NRXN1: variants seen among roughly 807,000 people sequenced by gnomAD.
NRXN1 encodes neurexin 1.
NRXN1 carries 39 observed loss-of-function variants against 150.9 expected under a neutral mutation model. The observed-to-expected ratio is 0.26, with a 90% CI of 0.20 to 0.34. The LOEUF (loss-of-function observed/expected upper bound fraction) is 0.34, where lower values mean the gene tolerates loss of function less well. Ranked by LOEUF, NRXN1 falls within the 10% of genes least tolerant of loss-of-function variation. The pLI is 1.00. For missense variants in NRXN1, 1,815 were observed against 1,949.9 expected (o/e 0.93, Z 1.30); for synonymous variants, 924 against 757.0 (o/e 1.22, Z -3.62).
At chr2:50,355,191 C>A (rs905135449) in intron 17 of NRXN1, among the ~76,000 whole-genome samples, 4 of 150,734 alleles carry the variant, frequency 2.7e-5, no homozygotes, top group African/African-American at 9.7e-5. Flanking sequence ...GAGTCTCTAT[C>A]TGGGATCTAT....
intron 17 of NRXN1, among the ~76,000 whole-genome samples, chr2:50,426,936 A>G (rs1442020530): frequency 6.6e-6 from 1 of 152,186 alleles, no homozygotes; most frequent in Non-Finnish European, 1.5e-5. Flanking sequence ...ACAGCACTTA[A>G]TGTACCTGTA....
At chr2:50,990,427 T>C (rs1698376900) in intron 2 of NRXN1, among the ~76,000 whole-genome samples, 1 of 152,070 alleles carries the variant, frequency 6.6e-6, no homozygotes, top group Non-Finnish European at 1.5e-5. Flanking sequence ...ACTTTTCTTA[T>C]CTACTTTCCA....
At chr2:50,214,546 C>G (rs912085997) in intron 18 of NRXN1, among the ~76,000 whole-genome samples, 1 of 151,794 alleles carries the variant, frequency 6.6e-6, no homozygotes, top group African/African-American at 2.4e-5. Context: ...TTAATTCCAG[C>G]AGGCACAGAA....
chr2:50,153,314 C>T (rs140000648), intron 18 of NRXN1, among the ~76,000 whole-genome samples: 34 of 151,342 alleles, frequency 2.2e-4, no homozygotes, highest in African/African-American at 8.0e-4. Context: ...AGTAAGTTTG[C>T]CATCTGGTTT....
intron 17 of NRXN1, among the ~76,000 whole-genome samples, chr2:50,242,044 A>G (rs751798871): frequency 2.0e-5 from 3 of 151,788 alleles, no homozygotes; most frequent in Non-Finnish European, 2.9e-5. Context: ...GAAAGCCTAT[A>G]ATTCTTCAAA....
At chr2:50,728,742 T>C (rs1285657172) in intron 5 of NRXN1, among the ~76,000 whole-genome samples, 1 of 152,180 alleles carries the variant, frequency 6.6e-6, no homozygotes, top group Non-Finnish European at 1.5e-5. Flanking sequence ...AGGGCAACAC[T>C]GATTACCCAC....
Position 50,521,772 on chromosome 2 carries a change from T to A in NRXN1, c.2374+6853A>T, listed in dbSNP as rs2092794842. 2.6e-5 allele frequency among the ~76,000 whole-genome samples: 4 copies of A among 152,184 alleles called. No homozygotes were observed. In the South Asian group the frequency reaches 8.3e-4, roughly 32 times the overall value. The stretch of plus-strand genomic sequence containing the variant: ...GTGTAGAAAGCTTGCTGCTCCTACA[T>A]CTGCTCTGAGGAGAGTGTATCATGT... On this transcript the variant is annotated intron_variant, in intron 12 of 22. Transcript: ENST00000401669.
At chr2:50,342,442 T>C (rs1408534738) in intron 17 of NRXN1, among the ~76,000 whole-genome samples, 1 of 152,234 alleles carries the variant, frequency 6.6e-6, no homozygotes, top group African/African-American at 2.4e-5. Flanking sequence ...TACCAGCTAA[T>C]TAATATTAAA....
At position 50,597,139 on chromosome 2, in the gene NRXN1, C is replaced by T. The variant is rs186043219; in HGVS notation, c.1320+22883G>A. ...GGATTTCAGGAACGAGTCACCGTGCCCGGTGGGACATGCTTCTTAATGAAC... is the reference window on the plus strand; with the variant it reads ...GGATTTCAGGAACGAGTCACCGTGCTCGGTGGGACATGCTTCTTAATGAAC... On this transcript the variant is annotated intron_variant, in intron 8 of 22. Transcript: ENST00000401669. Among the ~76,000 whole-genome samples the T allele has an allele frequency of 4.0e-3, 602 of 152,180 alleles. 3 individuals carry two copies. The highest frequency in any genetic ancestry group is 0.01 in the Middle Eastern group (3 of 294).
chr2:49,960,884 TC>T (rs1675819081), intron 21 of NRXN1, among the ~76,000 whole-genome samples: 1 of 152,276 alleles, frequency 6.6e-6, no homozygotes, highest in East Asian at 1.9e-4. Flanking sequence ...AGCATTCTTT[TC>T]CCCATAAATG....
intron 5 of NRXN1, among the ~76,000 whole-genome samples, chr2:50,871,386 CTT>C (rs1320401835): frequency 1.3e-5 from 2 of 151,828 alleles, no homozygotes; most frequent in Non-Finnish European, 2.9e-5. Flanking sequence ...TTTAATATGG[CTT>C]TCTTTCAATT....
intron 5 of NRXN1, among the ~76,000 whole-genome samples, chr2:50,740,654 T>G (rs1699317500): frequency 6.6e-6 from 1 of 152,212 alleles, no homozygotes; most frequent in Admixed American, 6.5e-5. Flanking sequence ...ATGTTAATGC[T>G]GATTTTTTAA....
chr2:50,661,997 C>G (rs1328619444), intron 5 of NRXN1, among the ~76,000 whole-genome samples: 4 of 152,030 alleles, frequency 2.6e-5, no homozygotes, highest in Non-Finnish European at 5.9e-5. Flanking sequence ...GGCCTTCACT[C>G]CCTACAGATT....
At chr2:50,379,632 G>A (rs1337945473) in intron 17 of NRXN1, among the ~76,000 whole-genome samples, 1 of 151,966 alleles carries the variant, frequency 6.6e-6, no homozygotes, top group African/African-American at 2.4e-5. Flanking sequence ...CCCACAGCTG[G>A]CTTTAGTTCA....
intron 17 of NRXN1, among the ~76,000 whole-genome samples, chr2:50,379,480 T>A (rs2080788395): frequency 6.6e-6 from 1 of 151,974 alleles, no homozygotes; most frequent in Non-Finnish European, 1.5e-5. Flanking sequence ...GCAGGTAGAG[T>A]ATTGACTGCT....
chr2:50,000,570 A>G (rs1043997272), intron 21 of NRXN1, among the ~76,000 whole-genome samples: 50 of 152,142 alleles, frequency 3.3e-4, no homozygotes, highest in African/African-American at 1.1e-3. Context: ...GGCATAAAAT[A>G]AGATAGTCAA....
intron 17 of NRXN1, among the ~76,000 whole-genome samples, chr2:50,427,313 T>C (rs537836272): frequency 6.6e-6 from 1 of 151,822 alleles, no homozygotes; most frequent in East Asian, 1.9e-4. Context: ...ACATGTATAA[T>C]TATACAGTAG....
At chr2:50,093,716 T>C (rs4971554) in intron 18 of NRXN1, among the ~76,000 whole-genome samples, 37,452 of 152,122 alleles carry the variant, frequency 0.25, 5,044 homozygotes, top group Admixed American at 0.38. Flanking sequence ...TAGGGCTCTA[T>C]ACATTTTATA....
chr2:50,136,468 T>G (rs1473908918), intron 18 of NRXN1, among the ~76,000 whole-genome samples: 2 of 152,198 alleles, frequency 1.3e-5, no homozygotes, highest in Non-Finnish European at 1.5e-5. Flanking sequence ...CATTTAATAT[T>G]GTTAAAATAA....
Sources: gnomAD v4.1 joint callset for allele counts (sites outside exome capture counted in the v4.1 genomes callset) on GRCh38, gnomAD v4.1.1 for gene constraint, MANE v1.5 for transcripts, NCBI Gene and HGNC (gene_info 2026-07-23, HGNC 2026-07-21) for gene names.